The following PEAK1 variants were observed in gnomAD, a reference collection of about 807,000 sequenced individuals.
PEAK1 encodes the protein inactive tyrosine-protein kinase PEAK1.
Under a neutral mutation model 124.7 loss-of-function variants are expected in PEAK1, and 54 were observed. The ratio of observed to expected loss-of-function variants is 0.43; its 90% CI spans 0.35 to 0.54. The LOEUF (loss-of-function observed/expected upper bound fraction) is 0.54, where lower values mean the gene tolerates loss of function less well. Ranked by LOEUF, PEAK1 falls within the 20% of genes least tolerant of loss-of-function variation. PEAK1 has a pLI of 0.01. For missense variants in PEAK1, 2,046 were observed against 2,134.5 expected, an observed-to-expected ratio of 0.96 and a Z score of 0.82; for synonymous variants, 719 against 760.0, an observed-to-expected ratio of 0.95 and a Z score of 0.89.
chr15:77,165,200 CTTT>C (rs953922841), intron 7 of PEAK1, among the ~76,000 whole-genome samples: 6 of 131,370 alleles, frequency 4.6e-5, no homozygotes, highest in South Asian at 2.4e-4. Context: ...TACGCCTGGC[CTTT>C]TTTTTTTTTT....
At chr15:77,365,741 T>TAAAAAA (rs71145816) in intron 1 of PEAK1, among the ~76,000 whole-genome samples, 1 of 80,794 alleles carries the variant, frequency 1.2e-5, no homozygotes, top group East Asian at 4.5e-4. Context: ...CTCCATCTCA[T>TAAAAAA]AAAAAAAAAA....
intron 5 of PEAK1, among the ~76,000 whole-genome samples, chr15:77,280,266 G>A (rs1287547135): frequency 6.6e-5 from 10 of 152,064 alleles, no homozygotes; most frequent in South Asian, 2.1e-4. Flanking sequence ...GCTTGAAAAC[G>A]GGAGGCGGAG....
chr15:77,201,232 C>CT (rs11363810), intron 6 of PEAK1, among the ~76,000 whole-genome samples: 4,236 of 77,150 alleles, frequency 0.055, 246 homozygotes, highest in African/African-American at 0.074. Context: ...GCCTTTGTGT[C>CT]TTTTTTTTTT....
intron 1 of PEAK1, chr15:77,418,829 G>GA (rs953881359): frequency 2.9e-5 from 28 of 977,582 alleles, no homozygotes; most frequent in Non-Finnish European, 3.3e-5. Context: ...TTTATCGGGG[G>GA]AAAAAAAAAG....
chr15:77,172,652 T>C (rs889617001), intron 7 of PEAK1, among the ~76,000 whole-genome samples: 4 of 152,198 alleles, frequency 2.6e-5, no homozygotes, highest in African/African-American at 9.6e-5. Context: ...GAGAAAACCA[T>C]CATACTTTGT....
intron 2 of PEAK1, chr15:77,350,611 A>T (rs1227119332): frequency 1.4e-5 from 2 of 147,272 alleles, no homozygotes; most frequent in South Asian, 2.3e-4. Context: ...AGATTCAAGT[A>T]AAAAAAAAAA....
At chr15:77,315,089 C>T (rs193092542) in intron 2 of PEAK1, among the ~76,000 whole-genome samples, 50 of 152,282 alleles carry the variant, frequency 3.3e-4, no homozygotes, top group African/African-American at 1.2e-3. Flanking sequence ...AAAAAGACAA[C>T]AGTATTACCC....
chr15:77,385,173 C>G (rs1260779449), intron 1 of PEAK1, among the ~76,000 whole-genome samples: 1 of 152,118 alleles, frequency 6.6e-6, no homozygotes, highest in Non-Finnish European at 1.5e-5. Flanking sequence ...ATTACTATTA[C>G]TCAGCAATAA....
chr15:77,275,676 G>A (rs1361714750), intron 5 of PEAK1, among the ~76,000 whole-genome samples: 1 of 151,562 alleles, frequency 6.6e-6, no homozygotes, highest in Admixed American at 6.6e-5. Flanking sequence ...AGATTGCAGT[G>A]CAGCCTGGGC....
At chr15:77,190,035 C>T (rs1372049297) in intron 6 of PEAK1, among the ~76,000 whole-genome samples, 1 of 152,134 alleles carries the variant, frequency 6.6e-6, no homozygotes, top group Non-Finnish European at 1.5e-5. Context: ...ATGTTTATAG[C>T]CACATAATCA....
intron 6 of PEAK1, among the ~76,000 whole-genome samples, chr15:77,183,350 C>G (rs944029657): frequency 2.0e-5 from 3 of 152,124 alleles, no homozygotes; most frequent in African/African-American, 7.2e-5. Flanking sequence ...TTGTGGCACT[C>G]TACAAATTGC....
At chr15:77,140,460 T>C (rs150265712) in intron 8 of PEAK1, among the ~76,000 whole-genome samples, 9 of 152,226 alleles carry the variant, frequency 5.9e-5, no homozygotes, top group East Asian at 3.9e-4. Flanking sequence ...CAATGTAATA[T>C]ACCATGCCAA....
At chr15:77,280,227 G>A (rs1367993019) in intron 5 of PEAK1, among the ~76,000 whole-genome samples, 1 of 152,124 alleles carries the variant, frequency 6.6e-6, no homozygotes, top group Admixed American at 6.5e-5. Context: ...TATAATCCCA[G>A]CTACTTAGGA....
chr15:77,223,580 T>G (rs1192937289), intron 6 of PEAK1, among the ~76,000 whole-genome samples: 1 of 152,040 alleles, frequency 6.6e-6, no homozygotes, highest in Non-Finnish European at 1.5e-5. Context: ...TATGGATTAT[T>G]TTGTCAAGAC....
chr15:77,385,452 A>T (rs1422680271), intron 1 of PEAK1, among the ~76,000 whole-genome samples: 1 of 152,244 alleles, frequency 6.6e-6, no homozygotes, highest in Non-Finnish European at 1.5e-5. Context: ...AATATTAAAC[A>T]AATATCTGAG....
chr15:77,126,404 C>T (rs1296973443), intron 9 of PEAK1, among the ~76,000 whole-genome samples: 2 of 152,066 alleles, frequency 1.3e-5, no homozygotes, highest in Non-Finnish European at 2.9e-5. Context: ...CTGTCTGTAG[C>T]TTTCTCTCAT....
intron 9 of PEAK1, among the ~76,000 whole-genome samples, chr15:77,122,306 CTG>C (rs2051992530): frequency 1.3e-5 from 2 of 152,182 alleles, no homozygotes; most frequent in Non-Finnish European, 2.9e-5. Context: ...AAGAAGGTAA[CTG>C]TGTAAGATTT....
intron 5 of PEAK1, among the ~76,000 whole-genome samples, chr15:77,279,206 T>C (rs1012482537): frequency 1.3e-5 from 2 of 151,996 alleles, no homozygotes; most frequent in African/African-American, 4.8e-5. Context: ...ATGTCACTAA[T>C]AGAATGTCTC....
downstream of PEAK1, chr15:77,107,931 T>C (rs1051060069): frequency 6.6e-6 from 1 of 152,260 alleles, no homozygotes; most frequent in Admixed American, 6.5e-5. Flanking sequence ...TGCTTTCTCT[T>C]TGGGGCCTGA....
Sources: allele counts gnomAD v4.1 joint callset (sites outside exome capture counted in the v4.1 genomes callset), GRCh38; gene constraint gnomAD v4.1.1; transcripts MANE v1.5; gene names NCBI Gene and HGNC (gene_info 2026-07-23, HGNC 2026-07-21).